EHHADH: variants seen among roughly 807,000 people sequenced by gnomAD.
The protein encoded by EHHADH is peroxisomal bifunctional enzyme.
EHHADH carries 48 observed loss-of-function variants against 64.4 expected under a neutral mutation model. The ratio of observed to expected loss-of-function variants is 0.75; its 90% confidence interval spans 0.59 to 0.95. The LOEUF (loss-of-function observed/expected upper bound fraction) is 0.95, where lower values mean the gene tolerates loss of function less well. Ranked by LOEUF, EHHADH falls within the 40% of genes least tolerant of loss-of-function variation. The pLI is 0.00. For synonymous variants in EHHADH, 308 were observed against 326.7 expected (o/e 0.94, Z 0.62); for missense variants, 854 against 876.6 (o/e 0.97, Z 0.33).
chr3:185,210,650 A>G (rs1003542415), intron 5 of EHHADH, among the ~76,000 whole-genome samples: 1 of 151,850 alleles, frequency 6.6e-6, no homozygotes, highest in African/African-American at 2.4e-5. Context: ...AAAAAAAAAA[A>G]AGGGAATATT....
chr3:185,194,751 T>C (rs574879471), intron 6 of EHHADH, among the ~76,000 whole-genome samples: 7 of 123,774 alleles, frequency 5.7e-5, no homozygotes, highest in African/African-American at 2.2e-4. Flanking sequence ...CAGTGAGCTA[T>C]GATCACACTA....
At chr3:185,247,194 G>T (rs981614504) in intron 2 of EHHADH, among the ~76,000 whole-genome samples, 16 of 151,906 alleles carry the variant, frequency 1.1e-4, no homozygotes, top group African/African-American at 3.4e-4. Context: ...CCCATTTTGG[G>T]GTGCATTGTT....
chr3:185,232,360 A>G (rs1003861130), intron 3 of EHHADH, among the ~76,000 whole-genome samples: 4 of 152,236 alleles, frequency 2.6e-5, no homozygotes, highest in African/African-American at 9.6e-5. Context: ...ATTTGTAAGC[A>G]TTTATAAAAA....
chr3:185,226,007 T>G (rs1160898922), intron 4 of EHHADH, among the ~76,000 whole-genome samples: 1 of 152,204 alleles, frequency 6.6e-6, no homozygotes, highest in African/African-American at 2.4e-5. Context: ...CCTGTCTATA[T>G]CTATCTATCT....
chr3:185,217,959 G>T (rs1457984958), intron 5 of EHHADH, among the ~76,000 whole-genome samples, 177 bp downstream of exon 5: 1 of 151,696 alleles, frequency 6.6e-6, no homozygotes, highest in African/African-American at 2.4e-5. Flanking sequence ...TAGACACGGG[G>T]TTTCACCGTG....
intron 5 of EHHADH, among the ~76,000 whole-genome samples, chr3:185,213,968 A>C (rs76948919): frequency 0.049 from 7,495 of 152,188 alleles, 286 homozygotes; most frequent in Non-Finnish European, 0.07. Flanking sequence ...CCTCAAATGA[A>C]AATGAAAGGC....
chr3:185,251,556 G>A lies in EHHADH; in HGVS notation c.74+2393C>T, dbSNP rs540736750. 1.7e-3 allele frequency among the ~76,000 whole-genome samples: 261 copies of A among 152,152 alleles called. 1 individual carries two copies. Among genetic ancestry groups the A allele is most frequent in the Non-Finnish European group, 3.1e-3 (213 of 67,990 alleles). ...ATCTGAATGGAAGCAAACATGGCTG[G>A]CTAAACTAGCAATGAAGGATTTAAA... On this transcript the variant is annotated intron_variant, in intron 1 of 6. Transcript: ENST00000231887.
At position 185,218,174 on chromosome 3, in the gene EHHADH, G is replaced by A. The variant is rs781683788; in HGVS notation, c.530C>T (p.Pro177Leu). Residue 177 changes from proline (P) to leucine (L), a missense_variant, in exon 5 of 7, where the codon CCG becomes CTG. Coordinates refer to ENST00000231887, the MANE Select transcript of EHHADH (RefSeq NM_001966.4). ...AGCAAATCTGATTGCTTCTTCAACCGGGTCTGAGTTTACAACTTTATCTAG... is the reference window on the plus strand; with the variant it reads ...AGCAAATCTGATTGCTTCTTCAACCAGGTCTGAGTTTACAACTTTATCTAG... The part of the protein sequence containing the change: ...GILDKVVNSD[P>L]VEEAIRFAQR... 3.7e-6 allele frequency: 6 copies of A among 1,606,236 alleles called. No homozygotes were observed. The highest frequency in any genetic ancestry group is 1.4e-5 in the African/African-American group (1 of 73,084).
intron 6 of EHHADH, among the ~76,000 whole-genome samples, chr3:185,195,355 C>T (rs528952614): frequency 6.6e-6 from 1 of 152,146 alleles, no homozygotes; most frequent in Non-Finnish European, 1.5e-5. Context: ...CAGACAATAA[C>T]AAATTTTGGT....
In EHHADH at chr3:185,212,349, C is replaced by G. The variant is rs372695313; in HGVS notation, c.568+5787G>C. On this transcript the variant is annotated intron_variant, in intron 5 of 6. Transcript: ENST00000231887. ...AATGCATAAAGCTAATGAACTTCCACAGTCAACTCACCAGGATACAGTGTT... is the reference window on the plus strand; with the variant it reads ...AATGCATAAAGCTAATGAACTTCCAGAGTCAACTCACCAGGATACAGTGTT... 2.6e-4 allele frequency among the ~76,000 whole-genome samples: 39 copies of G among 152,328 alleles called. 2 individuals carry two copies. The East Asian group carries it at 6.6e-3, about 26-fold the overall frequency.
chr3:185,193,681 T>TCA (rs1383378577), intron 6 of EHHADH, among the ~76,000 whole-genome samples, 194 bp from the exon 7 acceptor site: 1 of 152,042 alleles, frequency 6.6e-6, no homozygotes, highest in Non-Finnish European at 1.5e-5. Context: ...TTAGTCAGAT[T>TCA]CACACACACA....
Position 185,249,577 on chromosome 3 carries a change from A to G in EHHADH, c.75-1060T>C, listed in dbSNP as rs548868313. On this transcript the variant is annotated intron_variant, in intron 1 of 6. Transcript: ENST00000231887. ...ATTCTCAGGAGATCTAGTGGTTTATAAGTTGCAGTTTCCCCTGCACTCATG... is the reference window on the plus strand; with the variant it reads ...ATTCTCAGGAGATCTAGTGGTTTATGAGTTGCAGTTTCCCCTGCACTCATG... 5.3e-5 allele frequency among the ~76,000 whole-genome samples: 8 copies of G among 152,174 alleles called. No homozygotes were observed. In the South Asian group the frequency reaches 1.0e-3, roughly 20 times the overall value.
chr3:185,224,056 A>G (rs1201889017), intron 4 of EHHADH, among the ~76,000 whole-genome samples: 1 of 152,216 alleles, frequency 6.6e-6, no homozygotes, highest in Non-Finnish European at 1.5e-5. Flanking sequence ...AAGATCAGAA[A>G]GGGTTAGCCA....
At chr3:185,226,767 G>A (rs138540631) in intron 4 of EHHADH, 1 of 152,148 alleles carries the variant, frequency 6.6e-6, no homozygotes, top group East Asian at 1.9e-4. Context: ...TCCCAAGTAA[G>A]CTGCTCCCAA....
chr3:185,225,809 G>C (rs1354561728), intron 4 of EHHADH, among the ~76,000 whole-genome samples: 1 of 152,040 alleles, frequency 6.6e-6, no homozygotes, highest in Non-Finnish European at 1.5e-5. Context: ...GCTATTTTCT[G>C]TATGTGGGAT....
At chr3:185,218,881 G>A (rs1333068893) in intron 4 of EHHADH, among the ~76,000 whole-genome samples, 5 of 152,088 alleles carry the variant, frequency 3.3e-5, no homozygotes, top group African/African-American at 4.8e-5. Flanking sequence ...AAATTAACTG[G>A]GCATGGTAGT....
chr3:185,190,626 A>G lies in EHHADH; in HGVS notation c.*1600T>C, dbSNP rs1208861097. The G allele has an allele frequency of 2.0e-5, 3 of 152,230 alleles. No homozygotes were observed. The highest frequency in any genetic ancestry group is 2.9e-5 in the Non-Finnish European group (2 of 68,052). The allele number at this position is 152,230 out of a possible 1,614,324, so 9.4% of individuals were successfully genotyped here. A position where few individuals can be genotyped will look rare whatever the true frequency, so the allele number is the denominator to read the frequency against. On this transcript the variant is annotated 3_prime_UTR_variant, in exon 7 of 7. Transcript: ENST00000231887. ...AGCAAGTCACTTTGGAGACAAAATT[A>G]CTACTTTCAGGAATCATTTTTATTG...
intron 6 of EHHADH, among the ~76,000 whole-genome samples, chr3:185,202,193 C>G (rs1384670909): frequency 6.6e-6 from 1 of 152,088 alleles, no homozygotes; most frequent in Non-Finnish European, 1.5e-5. Flanking sequence ...CAAAAATCAG[C>G]CAGGCTTGGT....
chr3:185,192,842 A>T lies in EHHADH; in HGVS notation c.1556T>A (p.Phe519Tyr), dbSNP rs762409011. 6.2e-7 allele frequency: 1 copy of T among 1,613,952 alleles called. No individual in the cohort carries two copies. The highest frequency in any genetic ancestry group is 1.3e-5 in the African/African-American group (1 of 74,880). The change falls in exon 7 of 7, where the codon TTT becomes TAT. Residue 519 changes from phenylalanine (F) to tyrosine (Y), a missense_variant. Transcript: ENST00000231887. ...LEEFGFKMGP[F>Y]RVSDLAGLDV... ...CAACCCAGCAAGATCAGACACTCTA[A>T]AAGGTCCCATTTTAAAACCAAACTC...
Sources: allele counts gnomAD v4.1 joint callset (sites outside exome capture counted in the v4.1 genomes callset), GRCh38; gene constraint gnomAD v4.1.1; transcripts MANE v1.5; gene names NCBI Gene and HGNC (gene_info 2026-07-23, HGNC 2026-07-21).